DHX29: variants seen among roughly 807,000 people sequenced by gnomAD.
DHX29 encodes ATP-dependent RNA helicase DHX29.
In DHX29, 79 loss-of-function variants were observed where a neutral mutation model predicts 167.9. The ratio of observed to expected loss-of-function variants is 0.47; its 90% CI spans 0.39 to 0.57. DHX29 has a LOEUF of 0.57. Among genes scored for constraint, DHX29 ranks in the 20% least tolerant of loss-of-function variants. DHX29 has a pLI of 0.00. For missense variants in DHX29, 1,347 were observed against 1,593.4 expected (o/e 0.85, Z 2.63); for synonymous variants, 530 against 546.0 (o/e 0.97, Z 0.41).
chr5:55,297,093 A>G (rs534115168), intron 3 of DHX29, among the ~76,000 whole-genome samples, 192 bp downstream of exon 3: 6 of 152,306 alleles, frequency 3.9e-5, no homozygotes, highest in South Asian at 2.1e-4. Context: ...CTTAATTTTC[A>G]TATCACCATT....
At chr5:55,263,920 G>GA (rs1746431266) in intron 23 of DHX29, among the ~76,000 whole-genome samples, 1 of 150,972 alleles carries the variant, frequency 6.6e-6, no homozygotes, top group Non-Finnish European at 1.5e-5. Context: ...TCAAATATGG[G>GA]AAAAAAACCT....
At chr5:55,293,874 C>A in intron 6 of DHX29, 143 bp downstream of exon 6, 2 of 779,992 alleles carry the variant, frequency 2.6e-6, no homozygotes, top group South Asian at 2.4e-5. Flanking sequence ...AAGTTTTTGC[C>A]TAAGTGTTAT....
intron 23 of DHX29, among the ~76,000 whole-genome samples, chr5:55,266,740 T>C (rs1746597336): frequency 6.6e-6 from 1 of 151,940 alleles, no homozygotes. Context: ...CTTGGTCTCC[T>C]GAGTAGCTGG....
At chr5:55,292,706 A>G (rs895796209) in intron 6 of DHX29, among the ~76,000 whole-genome samples, 1 of 152,108 alleles carries the variant, frequency 6.6e-6, no homozygotes, top group Non-Finnish European at 1.5e-5. Flanking sequence ...TTATCTCTAT[A>G]TATGCTCATC....
chr5:55,262,632 TCTC>T lies in DHX29; in HGVS notation c.3823_3825del (p.Glu1275del). On this transcript the variant is annotated inframe_deletion, in exon 24 of 27. Transcript: ENST00000251636. ...GAATTTAGGAATGAGTACTTCACCTTCTCCTGGTATAAGAGCCATCCATGAGTT... is the reference window on the plus strand; with the variant it reads ...GAATTTAGGAATGAGTACTTCACCTTCTGGTATAAGAGCCATCCATGAGTT... 6.2e-7 allele frequency: 1 copy of T among 1,613,732 alleles called. No homozygotes were observed. Among genetic ancestry groups the T allele is most frequent in the Non-Finnish European group, 8.5e-7 (1 of 1,179,724 alleles).
At position 55,307,504 on chromosome 5, in the gene DHX29, T is replaced by C. The variant is rs1225937126; in HGVS notation, c.70A>G (p.Arg24Gly). The part of the protein sequence containing the change: ...AVVRAAVSAS[R>G]AKSAEAGIAG... ...ATTCCAGCCTCGGCAGATTTGGCTC[T>C]GGAAGCAGACACGGCGGCCCGGACC... is the stretch of plus-strand genomic sequence containing the variant. The change falls in exon 1 of 27, where the codon AGA becomes GGA. Residue 24 changes from arginine to glycine, a missense_variant. Coordinates refer to ENST00000251636, the MANE Select transcript of DHX29 (RefSeq NM_019030.4). 1.9e-6 allele frequency: 3 copies of C among 1,613,750 alleles called. No individual in the cohort carries two copies. Among genetic ancestry groups the C allele is most frequent in the Non-Finnish European group, 1.7e-6 (2 of 1,179,966 alleles).
intron 6 of DHX29, among the ~76,000 whole-genome samples, chr5:55,291,147 C>T (rs189619153): frequency 6.6e-6 from 1 of 152,206 alleles, no homozygotes; most frequent in Non-Finnish European, 1.5e-5. Context: ...TTGAGGAAAA[C>T]GGATGTCATA....
chr5:55,304,309 CTTTTTTTTTTT>C lies in DHX29; in HGVS notation c.187+3067_187+3077del, dbSNP rs397882409. On this transcript the variant is annotated intron_variant, in intron 1 of 26. Transcript: ENST00000251636. ...GCCTCCTTTGCTTGCTCAAATGTCA[CTTTTTTTTTTT>C]TTTTTTTTTTTGAGACCGAGTCTTG... 1.1e-4 allele frequency among the ~76,000 whole-genome samples: 12 copies of C among 112,652 alleles called. No individual in the cohort carries two copies. The South Asian group carries it at 2.5e-3, about 24-fold the overall frequency. The allele number at this position is 112,652 out of a possible 152,430, so 73.9% of individuals were successfully genotyped here. A position where few individuals can be genotyped will look rare whatever the true frequency, so the allele number is the denominator to read the frequency against.
At chr5:55,290,429 C>T in intron 6 of DHX29, 85 bp from the exon 7 acceptor site, 1 of 1,411,644 alleles carries the variant, frequency 7.1e-7, no homozygotes, top group Non-Finnish European at 9.4e-7. Context: ...GTATCAAAAT[C>T]TGTGATATTT....
chr5:55,278,831 G>C (rs191500339), intron 12 of DHX29, among the ~76,000 whole-genome samples: 2 of 152,154 alleles, frequency 1.3e-5, no homozygotes, highest in Non-Finnish European at 2.9e-5. Flanking sequence ...TTCAGAAACC[G>C]GAGAAACAAA....
At chr5:55,270,282 A>G in intron 20 of DHX29, 130 bp downstream of exon 20, 1 of 993,946 alleles carries the variant, frequency 1.0e-6, no homozygotes, top group Non-Finnish European at 1.5e-6. Flanking sequence ...AAGATGGATA[A>G]GGGCATATAT....
At chr5:55,273,684 TA>T (rs2111840594) in intron 16 of DHX29, among the ~76,000 whole-genome samples, 1 of 152,274 alleles carries the variant, frequency 6.6e-6, no homozygotes, top group East Asian at 1.9e-4. Flanking sequence ...TGATTAAATA[TA>T]TATGGATGAT....
intron 12 of DHX29, chr5:55,279,734 TTTTG>T (rs1407593224): frequency 4.0e-5 from 6 of 151,182 alleles, no homozygotes; most frequent in Non-Finnish European, 5.6e-5. Flanking sequence ...GTTTTGCTGT[TTTTG>T]TTTTTTTTTT....
chr5:55,285,661 C>T (rs910232780), intron 9 of DHX29, 35 bp downstream of exon 9: 48 of 1,522,860 alleles, frequency 3.2e-5, no homozygotes, highest in Non-Finnish European at 4.1e-5. Flanking sequence ...AAAGTTCATT[C>T]AGTTAATTAA....
chr5:55,306,222 T>A (rs2111995381), intron 1 of DHX29, among the ~76,000 whole-genome samples: 1 of 152,332 alleles, frequency 6.6e-6, no homozygotes, highest in South Asian at 2.1e-4. Flanking sequence ...TGCCTACTTT[T>A]TCAGTCTCAT....
intron 26 of DHX29, among the ~76,000 whole-genome samples, chr5:55,257,735 C>T (rs925273883): frequency 2.0e-5 from 3 of 152,172 alleles, no homozygotes; most frequent in Non-Finnish European, 4.4e-5. Context: ...CTTCCTTCCT[C>T]CCAAGTCAAA....
rs376170862 is a variant in DHX29, at chr5:55,267,196, G to C, written c.3467C>G (p.Ser1156Cys). 6.8e-6 allele frequency: 11 copies of C among 1,612,832 alleles called. No homozygotes were observed. Among genetic ancestry groups the C allele is most frequent in the Non-Finnish European group, 9.3e-6 (11 of 1,179,386 alleles). Reference protein sequence around the residue: ...KKARQEGGYRSEITYCRRNFL... With the variant: ...KKARQEGGYRCEITYCRRNFL... The stretch of plus-strand genomic sequence containing the variant: ...GTTCCTCCGGCAGTATGTGATTTCA[G>C]AACGATAACCTCCTTCTTGTCGTGC... The change falls in exon 23 of 27, where the codon TCT becomes TGT. Residue 1156 changes from serine (S) to cysteine (C), a missense_variant. Around this residue, in one of 3 missense-constraint regions of DHX29, gnomAD observed 882 missense variants for 1,082.4 expected, o/e 0.81. Transcript: ENST00000251636.
intron 16 of DHX29, 187 bp from the exon 17 acceptor site, chr5:55,273,564 C>T (rs1746953736): frequency 9.3e-6 from 6 of 643,188 alleles, no homozygotes; most frequent in Non-Finnish European, 1.3e-5. Flanking sequence ...AGAATATAAA[C>T]AAATTATGCG....
chr5:55,267,931 T>C (rs1276607328), intron 21 of DHX29, 109 bp from the exon 22 acceptor site: 3 of 653,452 alleles, frequency 4.6e-6, no homozygotes, highest in African/African-American at 3.9e-5. Flanking sequence ...TTAAGTTGCC[T>C]GTTTATTTTC....
Sources: allele counts gnomAD v4.1 joint callset (sites outside exome capture counted in the v4.1 genomes callset), GRCh38; gene constraint gnomAD v4.1.1; regional missense constraint gnomAD v4.1.1; transcripts MANE v1.5; gene names NCBI Gene and HGNC (gene_info 2026-07-23, HGNC 2026-07-21).